The following SAMMSON variants were observed in gnomAD, a reference collection of about 807,000 sequenced individuals.
The protein encoded by SAMMSON is survival associated mitochondrial melanoma specific oncogenic non-coding RNA, also known as long intergenic non-protein coding RNA 1212.
chr3:70,433,627 T>A (rs1173322469), intron 2 of SAMMSON, among the ~76,000 whole-genome samples: 1 of 152,140 alleles, frequency 6.6e-6, no homozygotes, highest in Non-Finnish European at 1.5e-5. Flanking sequence ...CTAATAGCTG[T>A]CTTTTGCAGA....
intron 4 of SAMMSON, among the ~76,000 whole-genome samples, chr3:70,146,859 C>T (rs569998599): frequency 1.8e-4 from 27 of 151,858 alleles, no homozygotes; most frequent in Non-Finnish European, 3.2e-4. Flanking sequence ...ATAACAGGCA[C>T]TCATATTGGA....
At chr3:70,217,529 A>G (rs920314572) in intron 4 of SAMMSON, among the ~76,000 whole-genome samples, 1 of 152,120 alleles carries the variant, frequency 6.6e-6, no homozygotes. Flanking sequence ...TACCACTAAA[A>G]TATTTTATTT....
At chr3:70,133,072 C>T (rs1337003019) in intron 4 of SAMMSON, among the ~76,000 whole-genome samples, 5 of 152,094 alleles carry the variant, frequency 3.3e-5, no homozygotes, top group Non-Finnish European at 5.9e-5. Context: ...TTTTCTAGCA[C>T]GCAGCTTCTA....
intron 2 of SAMMSON, among the ~76,000 whole-genome samples, chr3:70,408,727 A>C (rs151231864): frequency 2.0e-3 from 301 of 152,124 alleles, no homozygotes; most frequent in African/African-American, 7.0e-3. Flanking sequence ...GAGCCCCCCA[A>C]ACTGTTCCAA....
chr3:70,120,928 A>G (rs1430931383), intron 4 of SAMMSON, among the ~76,000 whole-genome samples: 1 of 152,176 alleles, frequency 6.6e-6, no homozygotes, highest in African/African-American at 2.4e-5. Flanking sequence ...CATTTCTATT[A>G]TTACATCGTA....
At chr3:70,104,008 T>G (rs986448888) in intron 4 of SAMMSON, among the ~76,000 whole-genome samples, 3 of 151,880 alleles carry the variant, frequency 2.0e-5, no homozygotes, top group Admixed American at 1.3e-4. Flanking sequence ...TTTTTTTTTT[T>G]TTCCTATCAT....
chr3:70,051,562 C>T (rs531940696), intron 3 of SAMMSON, among the ~76,000 whole-genome samples: 31 of 151,110 alleles, frequency 2.1e-4, no homozygotes, highest in African/African-American at 7.0e-4. Flanking sequence ...GGTTGTTTAG[C>T]GTTATATTTA....
At chr3:70,222,828 T>C (rs144452381) in intron 4 of SAMMSON, among the ~76,000 whole-genome samples, 22 of 152,160 alleles carry the variant, frequency 1.4e-4, no homozygotes, top group Non-Finnish European at 3.1e-4. Flanking sequence ...CCATAAGTCA[T>C]TAGAAGATAC....
chr3:70,154,833 C>T (rs1195010128), intron 4 of SAMMSON, among the ~76,000 whole-genome samples: 2 of 151,940 alleles, frequency 1.3e-5, no homozygotes, highest in Non-Finnish European at 2.9e-5. Flanking sequence ...TTGGCTTTAC[C>T]TTTGATCCTA....
intron 4 of SAMMSON, among the ~76,000 whole-genome samples, chr3:70,135,354 A>C (rs967335456): frequency 6.6e-6 from 1 of 152,130 alleles, no homozygotes; most frequent in Non-Finnish European, 1.5e-5. Flanking sequence ...TGTAAATGAA[A>C]TTTATCTATT....
At chr3:70,303,704 T>A (rs982323695) in intron 7 of SAMMSON, among the ~76,000 whole-genome samples, 3 of 152,102 alleles carry the variant, frequency 2.0e-5, no homozygotes, top group African/African-American at 2.4e-5. Flanking sequence ...TTTTCTGAGG[T>A]GGAGTCTTAC....
intron 7 of SAMMSON, among the ~76,000 whole-genome samples, chr3:70,330,214 T>G (rs1702611699): frequency 6.6e-6 from 1 of 151,918 alleles, no homozygotes; most frequent in South Asian, 2.1e-4. Flanking sequence ...TCAGTAATAT[T>G]AATATCTACA....
intron 4 of SAMMSON, among the ~76,000 whole-genome samples, chr3:70,165,785 A>G (rs377196862): frequency 3.9e-5 from 6 of 151,936 alleles, no homozygotes; most frequent in Non-Finnish European, 4.4e-5. Context: ...TACCATTCTT[A>G]TAGGACGTGG....
At chr3:70,290,345 G>T (rs565579814) in intron 6 of SAMMSON, among the ~76,000 whole-genome samples, 2 of 152,264 alleles carry the variant, frequency 1.3e-5, no homozygotes, top group Middle Eastern at 3.4e-3. Context: ...TGCCCCTGTT[G>T]GGGGGTGCCT....
intron 4 of SAMMSON, among the ~76,000 whole-genome samples, chr3:70,113,840 G>A (rs907262446): frequency 5.9e-5 from 9 of 151,996 alleles, no homozygotes; most frequent in Non-Finnish European, 1.3e-4. Context: ...TTTGAGAAGA[G>A]GATGAGACCA....
intron 2 of SAMMSON, among the ~76,000 whole-genome samples, chr3:70,406,658 T>C (rs949655234): frequency 2.0e-5 from 3 of 152,182 alleles, no homozygotes; most frequent in Middle Eastern, 3.2e-3. Flanking sequence ...CAATGATCAG[T>C]TGAAGATGCA....
chr3:70,095,525 G>A (rs1035204879), intron 4 of SAMMSON, among the ~76,000 whole-genome samples: 4 of 152,070 alleles, frequency 2.6e-5, no homozygotes, highest in Non-Finnish European at 2.9e-5. Flanking sequence ...TGTAGGACTC[G>A]TCGTGTTATA....
At chr3:70,212,657 G>A (rs1701363083) in intron 4 of SAMMSON, among the ~76,000 whole-genome samples, 2 of 152,002 alleles carry the variant, frequency 1.3e-5, no homozygotes, top group Non-Finnish European at 2.9e-5. Flanking sequence ...GATATCTTAT[G>A]CATTATAATC....
chr3:70,281,000 C>T (rs372084830), intron 6 of SAMMSON, among the ~76,000 whole-genome samples: 10 of 152,228 alleles, frequency 6.6e-5, no homozygotes, highest in African/African-American at 1.4e-4. Flanking sequence ...GTTAAACTTA[C>T]GTATAAAAAA....
Sources: allele counts gnomAD v4.1 joint callset (sites outside exome capture counted in the v4.1 genomes callset), GRCh38; gene constraint gnomAD v4.1.1; transcripts MANE v1.5; gene names NCBI Gene and HGNC (gene_info 2026-07-23, HGNC 2026-07-21).